MCUB: variants seen among roughly 807,000 people sequenced by gnomAD.
The protein encoded by MCUB is mitochondrial calcium uniporter dominant negative subunit beta, also known as calcium uniporter regulatory subunit MCUb, mitochondrial.
In MCUB, 46 loss-of-function variants were observed where a neutral mutation model predicts 41.4. That is an observed-to-expected ratio of 1.11 (90% confidence interval 0.88 to 1.42). MCUB has a LOEUF of 1.42. Ranked by LOEUF, MCUB falls within the 40% of genes most tolerant of loss-of-function variation. The pLI is 0.00. For synonymous variants in MCUB, 148 were observed against 148.2 expected (o/e 1.00, Z 0.01); for missense variants, 403 against 404.9 (o/e 1.00, Z 0.04).
At position 109,688,232 on chromosome 4, in the gene MCUB, A is replaced by AGGC. The variant is rs1412700655; in HGVS notation, c.*640_*641insGGC. On this transcript the variant is annotated 3_prime_UTR_variant, in exon 8 of 8. Transcript: ENST00000394650. ...GTTAACTTTCTTCAGCCTCTGGCAG[A>AGGC]TTATTAACAAAACAGTATTATTCAG... The AGGC allele has an allele frequency of 3.9e-5, 6 of 152,256 alleles. No individual in the cohort carries two copies. The highest frequency in any genetic ancestry group is 1.2e-4 in the African/African-American group (5 of 41,464). The allele number at this position is 152,256 out of a possible 1,614,324, so 9.4% of individuals were successfully genotyped here.
intron 1 of MCUB, among the ~76,000 whole-genome samples, chr4:109,602,260 G>A (rs2126131408): frequency 6.6e-6 from 1 of 152,308 alleles, no homozygotes; most frequent in East Asian, 1.9e-4. Context: ...GGTTGCCTGT[G>A]CTTGTGGGAT....
At chr4:109,622,480 T>C (rs943343100) in intron 1 of MCUB, among the ~76,000 whole-genome samples, 1 of 152,218 alleles carries the variant, frequency 6.6e-6, no homozygotes, top group African/African-American at 2.4e-5. Context: ...AAAGTTAAAA[T>C]CTACTAAGAA....
intron 1 of MCUB, among the ~76,000 whole-genome samples, chr4:109,635,919 G>A (rs945021334): frequency 6.6e-6 from 1 of 152,162 alleles, no homozygotes; most frequent in Non-Finnish European, 1.5e-5. Context: ...TGTCTTTTAA[G>A]AACATATGCA....
chr4:109,667,455 G>T (rs939621456), intron 4 of MCUB, among the ~76,000 whole-genome samples: 4 of 151,742 alleles, frequency 2.6e-5, no homozygotes, highest in Admixed American at 1.3e-4. Context: ...TCTACCATGA[G>T]TAACTTGTTG....
intron 4 of MCUB, among the ~76,000 whole-genome samples, chr4:109,681,671 C>T (rs1429629131): frequency 6.6e-6 from 1 of 152,204 alleles, no homozygotes; most frequent in African/African-American, 2.4e-5. Flanking sequence ...GGCACTTAGC[C>T]GTGCAGGAAC....
chr4:109,593,980 G>C (rs559171724), intron 1 of MCUB, among the ~76,000 whole-genome samples: 1 of 152,274 alleles, frequency 6.6e-6, no homozygotes, highest in South Asian at 2.1e-4. Context: ...GGTAATGTTA[G>C]CACTCTAGAA....
intron 1 of MCUB, chr4:109,648,723 G>GA (rs1728892974): frequency 4.5e-4 from 70 of 156,310 alleles, no homozygotes; most frequent in Middle Eastern, 2.0e-3. Context: ...GTACAGAGAA[G>GA]CAAAAAAAAA....
intron 1 of MCUB, among the ~76,000 whole-genome samples, chr4:109,655,736 C>T (rs1729080943): frequency 6.6e-6 from 1 of 152,058 alleles, no homozygotes; most frequent in African/African-American, 2.4e-5. Flanking sequence ...TGCCACGAAG[C>T]CTGGGGCAGC....
chr4:109,588,203 G>T (rs990503782), intron 1 of MCUB, among the ~76,000 whole-genome samples: 34 of 152,278 alleles, frequency 2.2e-4, no homozygotes, highest in Non-Finnish European at 4.9e-4. Context: ...GAACTGACAA[G>T]AATATATCTT....
At chr4:109,656,179 A>G (rs1417958610) in intron 1 of MCUB, among the ~76,000 whole-genome samples, 2 of 152,026 alleles carry the variant, frequency 1.3e-5, no homozygotes, top group East Asian at 3.9e-4. Flanking sequence ...AATGGCATTT[A>G]GGAACCTGAC....
In MCUB at chr4:109,687,609, G is replaced by A; in HGVS notation, c.*17G>A. 6.5e-7 allele frequency: 1 copy of A among 1,545,852 alleles called. No homozygotes were observed. Among genetic ancestry groups the A allele is most frequent in the Non-Finnish European group, 8.9e-7 (1 of 1,121,978 alleles). The stretch of plus-strand genomic sequence containing the variant: ...AAGAATTAATCTTACAGTTTTAAAT[G>A]TCGTCAGATTTTCCATTATGTATTG... On this transcript the variant is annotated 3_prime_UTR_variant, in exon 8 of 8. Coordinates refer to ENST00000394650, the MANE Select transcript of MCUB (RefSeq NM_017918.5).
intron 1 of MCUB, among the ~76,000 whole-genome samples, chr4:109,565,003 G>A (rs1356251255): frequency 6.6e-6 from 1 of 152,190 alleles, no homozygotes; most frequent in Admixed American, 6.5e-5. Flanking sequence ...AAAAGACAAA[G>A]TGAACAAGAA....
At position 109,685,393 on chromosome 4, in the gene MCUB, TG is replaced by T. The variant is rs780074331; in HGVS notation, c.933+28del. On this transcript the variant is annotated intron_variant, in intron 7 of 7. Transcript: ENST00000394650. ...GTATACTACAAATACATCTTATAGC[TG>T]GTTTGTTTGGGAGCCAGAACTTAGT... 6.1e-6 allele frequency: 6 copies of T among 986,160 alleles called. No homozygotes were observed. In the African/African-American group the frequency reaches 6.4e-5, roughly 10 times the overall value. The allele number at this position is 986,160 out of a possible 1,614,324, so 61.1% of individuals were successfully genotyped here.
rs201646771 is a variant in MCUB, at chr4:109,581,691, AAAC to A, written c.99+21259_99+21261del. ...GAACTCAAACAAATTTACAAGAAAA[AAAC>A]AACCCCATCAAAAAGTGGGTGAAGG... On this transcript the variant is annotated intron_variant, in intron 1 of 7. Transcript: ENST00000394650. 5.3e-5 allele frequency among the ~76,000 whole-genome samples: 8 copies of A among 152,346 alleles called. No individual in the cohort carries two copies. The East Asian group carries it at 1.2e-3, about 22-fold the overall frequency.
rs894288630 is a variant in MCUB, at chr4:109,665,255, G to A, written c.451+861G>A. Among the ~76,000 whole-genome samples the A allele has an allele frequency of 5.6e-4, 85 of 152,248 alleles. 1 individual carries two copies. Among genetic ancestry groups the A allele is most frequent in the African/African-American group, 2.0e-3 (85 of 41,536 alleles). On this transcript the variant is annotated intron_variant, in intron 4 of 7. Coordinates refer to ENST00000394650, the MANE Select transcript of MCUB (RefSeq NM_017918.5). The stretch of plus-strand genomic sequence containing the variant: ...TTGTTTTTATTAATCTTTCTTAAAT[G>A]TATATGTAGCTTACATTTATTTTAA...
intron 1 of MCUB, among the ~76,000 whole-genome samples, chr4:109,574,017 C>T (rs1001602113): frequency 1.3e-5 from 2 of 151,606 alleles, no homozygotes; most frequent in African/African-American, 2.4e-5. Flanking sequence ...GGATTACAGG[C>T]GCGCCACCAC....
intron 1 of MCUB, among the ~76,000 whole-genome samples, chr4:109,596,887 C>T (rs530046486): frequency 2.0e-5 from 3 of 151,616 alleles, no homozygotes; most frequent in Non-Finnish European, 4.4e-5. Context: ...CGGCCTTCCG[C>T]AGTGTTTGTG....
chr4:109,603,523 C>T (rs961552927), intron 1 of MCUB, among the ~76,000 whole-genome samples: 1 of 152,030 alleles, frequency 6.6e-6, no homozygotes, highest in Non-Finnish European at 1.5e-5. Context: ...GCCACCCCGT[C>T]TAGGAAGTGA....
At position 109,674,728 on chromosome 4, in the gene MCUB, A is replaced by C. The variant is rs576696524; in HGVS notation, c.452-7854A>C. ...AACATGAGAATAACTTAAGGATTCT[A>C]GTTTAGTTTTTTGTAATTGCAAATT... On this transcript the variant is annotated intron_variant, in intron 4 of 7. Coordinates refer to ENST00000394650, the MANE Select transcript of MCUB (RefSeq NM_017918.5). 1.0e-4 allele frequency among the ~76,000 whole-genome samples: 16 copies of C among 152,392 alleles called. No homozygotes were observed. In the South Asian group the frequency reaches 3.3e-3, roughly 32 times the overall value.
Sources: allele counts gnomAD v4.1 joint callset (sites outside exome capture counted in the v4.1 genomes callset), GRCh38; gene constraint gnomAD v4.1.1; transcripts MANE v1.5; gene names NCBI Gene and HGNC (gene_info 2026-07-23, HGNC 2026-07-21).